CHMP4B: variants seen among roughly 807,000 people sequenced by gnomAD.
CHMP4B encodes the protein SNF7 homolog associated with Alix 1.
CHMP4B carries 1 observed loss-of-function variant against 25.1 expected under a neutral mutation model. That is an observed-to-expected ratio of 0.04 (90% CI 0.01 to 0.19). The LOEUF is 0.19. CHMP4B is among the 10% of genes least tolerant of loss of function. The pLI is 1.00. For synonymous variants in CHMP4B, 101 were observed against 115.6 expected (o/e 0.87, Z 0.81); for missense variants, 151 against 289.7 (o/e 0.52, Z 3.48).
At chr20:33,827,035 A>C (rs897432437) in intron 1 of CHMP4B, among the ~76,000 whole-genome samples, 4 of 152,114 alleles carry the variant, frequency 2.6e-5, no homozygotes, top group Non-Finnish European at 5.9e-5. Context: ...TTCAGCCCAG[A>C]CTTGATCTAC....
chr20:33,836,568 C>T (rs1454066655), intron 1 of CHMP4B, among the ~76,000 whole-genome samples: 1 of 152,024 alleles, frequency 6.6e-6, no homozygotes, highest in East Asian at 1.9e-4. Context: ...TTTCCCTGGC[C>T]TTAGATAGCT....
At chr20:33,824,255 C>T (rs1979026042) in intron 1 of CHMP4B, among the ~76,000 whole-genome samples, 2 of 152,130 alleles carry the variant, frequency 1.3e-5, no homozygotes, top group South Asian at 4.1e-4. Context: ...AAATTGTGAA[C>T]CTAGAGGCAG....
chr20:33,850,878 C>A, intron 2 of CHMP4B, 74 bp from the exon 3 acceptor site: 1 of 1,074,402 alleles, frequency 9.3e-7, no homozygotes, highest in Non-Finnish European at 1.4e-6. Flanking sequence ...CCAGTTTCTG[C>A]TCCCGCCTTG....
rs149704921 is a variant in CHMP4B at position 33,846,439 on chromosome 20, G to A, written c.191-2028G>A. Among the ~76,000 whole-genome samples, 433 of 152,290 alleles carry A rather than the reference G, an allele frequency of 2.8e-3. 1 individual carries two copies. The highest frequency in any genetic ancestry group is 9.9e-3 in the African/African-American group (412 of 41,558). Reference sequence around the variant, plus strand: ...CAACATCAGAATCAAGGGAGATTACGGATTCAGTGGCTTTTCAGATTTTAA... The same window carrying A: ...CAACATCAGAATCAAGGGAGATTACAGATTCAGTGGCTTTTCAGATTTTAA... On this transcript the variant is annotated intron_variant, in intron 1 of 4. Coordinates refer to ENST00000217402, the MANE Select transcript of CHMP4B (RefSeq NM_176812.5).
intron 1 of CHMP4B, among the ~76,000 whole-genome samples, chr20:33,847,230 G>T (rs188304464): frequency 1.3e-5 from 2 of 152,006 alleles, no homozygotes; most frequent in African/African-American, 4.8e-5. Context: ...GTCTGGAGCA[G>T]CCCTCTTCCT....
rs780485422 is a variant in CHMP4B at position 33,853,539 on chromosome 20, G to A, written c.654G>A (p.Glu218=). 6.2e-7 allele frequency: 1 copy of A among 1,613,964 alleles called. No homozygotes were observed. Among genetic ancestry groups the A allele is most frequent in the South Asian group, 1.1e-5 (1 of 91,054 alleles). Residue 218 remains glutamate, a synonymous_variant, in exon 5 of 5, where the codon GAG becomes GAA. Transcript: ENST00000217402. ...AGGACGACGACATGAAGGAATTGGAGAACTGGGCTGGATCCATGTAATGGG... is the reference window on the plus strand; with the variant it reads ...AGGACGACGACATGAAGGAATTGGAAAACTGGGCTGGATCCATGTAATGGG... ...EEEDDDMKEL[E]NWAGSM
At chr20:33,824,319 CTG>C (rs1251190105) in intron 1 of CHMP4B, among the ~76,000 whole-genome samples, 1 of 152,188 alleles carries the variant, frequency 6.6e-6, no homozygotes, top group African/African-American at 2.4e-5. Context: ...TTCTGCCACT[CTG>C]TGCATCCACC....
intron 1 of CHMP4B, among the ~76,000 whole-genome samples, chr20:33,840,612 A>G (rs901573677): frequency 3.9e-5 from 6 of 152,188 alleles, no homozygotes; most frequent in Admixed American, 3.3e-4. Context: ...CATTGGCCAA[A>G]TGATCAGGTG....
At chr20:33,822,816 C>T (rs1978979681) in intron 1 of CHMP4B, among the ~76,000 whole-genome samples, 1 of 151,832 alleles carries the variant, frequency 6.6e-6, no homozygotes. Context: ...TTTTTTGAGA[C>T]AAGAGTCTCA....
rs192367629 is a variant in CHMP4B, at chr20:33,844,981, G to C, written c.191-3486G>C. Among the ~76,000 whole-genome samples, 20 of 152,230 alleles carry C rather than the reference G, an allele frequency of 1.3e-4. 1 individual carries two copies. In the South Asian group the frequency reaches 3.3e-3, roughly 25 times the overall value. On this transcript the variant is annotated intron_variant, in intron 1 of 4. Transcript: ENST00000217402. ...TCACCGTGTTAGCCAGGATGGTCTT[G>C]ATCTCCTGACTTTGTAATCCACCCG...
intron 1 of CHMP4B, among the ~76,000 whole-genome samples, chr20:33,840,825 C>T (rs1407778427): frequency 6.6e-6 from 1 of 152,152 alleles, no homozygotes; most frequent in Non-Finnish European, 1.5e-5. Flanking sequence ...GTGCCAGGTG[C>T]TTTACATACA....
chr20:33,828,811 G>A (rs922397597), intron 1 of CHMP4B, among the ~76,000 whole-genome samples: 12 of 151,062 alleles, frequency 7.9e-5, no homozygotes, highest in Admixed American at 5.3e-4. Flanking sequence ...AAGCAGATAA[G>A]TCTCAGGTGA....
At chr20:33,824,100 T>G (rs1979021893) in intron 1 of CHMP4B, among the ~76,000 whole-genome samples, 1 of 152,240 alleles carries the variant, frequency 6.6e-6, no homozygotes, top group Non-Finnish European at 1.5e-5. Flanking sequence ...AGAGGAATAC[T>G]TCACAGTGTT....
At chr20:33,847,437 A>G (rs960570941) in intron 1 of CHMP4B, among the ~76,000 whole-genome samples, 5 of 152,168 alleles carry the variant, frequency 3.3e-5, no homozygotes, top group African/African-American at 1.2e-4. Context: ...GTGCCCCAAC[A>G]TCATCTAAGA....
At chr20:33,820,858 A>C (rs1002808970) in intron 1 of CHMP4B, among the ~76,000 whole-genome samples, 4 of 152,230 alleles carry the variant, frequency 2.6e-5, no homozygotes, top group Admixed American at 6.5e-5. Context: ...AAAGTACTTT[A>C]TTTGAATCAG....
chr20:33,822,592 G>C lies in CHMP4B; in HGVS notation c.190+10934G>C, dbSNP rs143189714. ...GACTTTGGGTGTCAAGTTGTAATGG[G>C]CTCCGATAGCCTTCTGTGGCCTTGT... On this transcript the variant is annotated intron_variant, in intron 1 of 4. Transcript: ENST00000217402. Among the ~76,000 whole-genome samples the C allele has an allele frequency of 4.6e-3, 695 of 152,284 alleles. 2 individuals carry two copies. Among genetic ancestry groups the C allele is most frequent in the Middle Eastern group, 0.017 (5 of 294 alleles).
chr20:33,825,309 G>C (rs1979065641), intron 1 of CHMP4B, among the ~76,000 whole-genome samples: 1 of 152,168 alleles, frequency 6.6e-6, no homozygotes, highest in Non-Finnish European at 1.5e-5. Context: ...GATTGTGTCT[G>C]CGTAAATGGT....
chr20:33,838,903 G>T (rs1042430030), intron 1 of CHMP4B, among the ~76,000 whole-genome samples: 2 of 152,130 alleles, frequency 1.3e-5, no homozygotes, highest in African/African-American at 4.8e-5. Context: ...GCCTTGCAGG[G>T]TTCCCTTTGG....
intron 1 of CHMP4B, among the ~76,000 whole-genome samples, chr20:33,835,596 T>A (rs1426890799): frequency 6.6e-6 from 1 of 152,272 alleles, no homozygotes; most frequent in Non-Finnish European, 1.5e-5. Context: ...ATGAAGTGTC[T>A]GATCTGCTGT....
Sources: gnomAD v4.1 joint callset for allele counts (sites outside exome capture counted in the v4.1 genomes callset) on GRCh38, gnomAD v4.1.1 for gene constraint, MANE v1.5 for transcripts, NCBI Gene and HGNC (gene_info 2026-07-23, HGNC 2026-07-21) for gene names.